The following IDH2 variants were observed in gnomAD, a reference collection of about 807,000 sequenced individuals.
The protein encoded by IDH2 is isocitrate dehydrogenase (NADP(+)) 2, also known as isocitrate dehydrogenase [NADP], mitochondrial.
IDH2 carries 18 observed loss-of-function variants against 50.5 expected under a neutral mutation model. The ratio of observed to expected loss-of-function variants is 0.36; its 90% confidence interval spans 0.25 to 0.53. The LOEUF (loss-of-function observed/expected upper bound fraction) is 0.53, where lower values mean the gene tolerates loss of function less well. Among genes scored for constraint, IDH2 ranks in the 20% least tolerant of loss-of-function variants. The pLI is 0.92. For missense variants in IDH2, 518 were observed against 610.7 expected (o/e 0.85, Z 1.60); for synonymous variants, 280 against 239.8 (o/e 1.17, Z -1.55).
rs1596076730 is a variant in IDH2, at chr15:90,091,582, G to A, written c.178C>T (p.Arg60Cys). 3.1e-6 allele frequency: 5 copies of A among 1,614,098 alleles called. No homozygotes were observed. Among genetic ancestry groups the A allele is most frequent in the Non-Finnish European group, 4.2e-6 (5 of 1,179,956 alleles). ...TCCTTGATGAACTGCCAGATAATAC[G>A]GGTCATCTCATCACCATCCATCTCC... ...VVEMDGDEMTRIIWQFIKEKL... is the reference protein window; with the variant it reads ...VVEMDGDEMTCIIWQFIKEKL... The change falls in exon 2 of 11, where the codon CGT (arginine) becomes TGT (cysteine). Residue 60 changes from arginine (R) to cysteine (C), a missense_variant. Coordinates refer to ENST00000330062, the MANE Select transcript of IDH2 (RefSeq NM_002168.4).
intron 5 of IDH2, 83 bp from the exon 6 acceptor site, chr15:90,087,658 A>G: frequency 6.4e-7 from 1 of 1,550,776 alleles, no homozygotes; most frequent in Non-Finnish European, 8.9e-7. Context: ...GGCAAGGCCC[A>G]GCTCTCCAGG....
At position 90,083,699 on chromosome 15, in the gene IDH2, T is replaced by C. The variant is rs1596070955; in HGVS notation, c.*567A>G. The stretch of plus-strand genomic sequence containing the variant: ...GAAGAAAAAAATCAATGACAACCTA[T>C]CAGGAACTGATTGACTCTCAGAATG... On this transcript the variant is annotated 3_prime_UTR_variant, in exon 11 of 11. Transcript: ENST00000330062. 5.6e-6 allele frequency: 1 copy of C among 178,654 alleles called. No homozygotes were observed. The highest frequency in any genetic ancestry group is 1.1e-4 in the East Asian group (1 of 9,094). 11.1% of individuals were successfully genotyped at this position (178,654 alleles called of 1,614,324 possible).
rs1555462247 is a variant in IDH2, at chr15:90,098,535, T to TATGTATGC, written c.115+3740_115+3741insGCATACAT. Among the ~76,000 whole-genome samples the TATGTATGC allele has an allele frequency of 7.0e-6, 1 of 142,402 alleles. No individual in the cohort carries two copies. The highest frequency in any genetic ancestry group is 2.7e-5 in the African/African-American group (1 of 36,798). The allele number at this position is 142,402 out of a possible 152,430, so 93.4% of individuals were successfully genotyped here. On this transcript the variant is annotated intron_variant, in intron 1 of 10. Transcript: ENST00000330062. The surrounding 1 kb of genome is among the most constrained non-coding windows in gnomAD (Gnocchi z 5.1). ...GTATGTATGTATGTATGCATGCATG[T>TATGTATGC]ATGTATGTATGTATGTATGTATGTA...
In IDH2 at chr15:90,090,608, A is replaced by C. The variant is rs765936488; in HGVS notation, c.244T>G (p.Phe82Val). 5 of 1,614,022 alleles carry C rather than the reference A, an allele frequency of 3.1e-6. No individual in the cohort carries two copies. In the African/African-American group the frequency reaches 5.3e-5, roughly 17 times the overall value. The part of the protein sequence containing the change: ...LPHVDIQLKY[F>V]DLGLPNRDQT... ...TCACGGTTTGGGAGCCCGAGGTCAAAATACTTTAGCTGGATGTCCACGTGG... is the reference window on the plus strand; with the variant it reads ...TCACGGTTTGGGAGCCCGAGGTCAACATACTTTAGCTGGATGTCCACGTGG... The change falls in exon 3 of 11, where the codon TTT (phenylalanine) becomes GTT (valine). Residue 82 changes from phenylalanine (F) to valine (V), a missense_variant. This residue lies in a region of IDH2 where 68 missense variants were observed against 109.7 expected (regional missense o/e 0.62). Coordinates refer to ENST00000330062, the MANE Select transcript of IDH2 (RefSeq NM_002168.4).
chr15:90,088,528 C>T (rs201112712), intron 4 of IDH2, 26 bp from the exon 5 acceptor site: 70 of 1,614,082 alleles, frequency 4.3e-5, no homozygotes, highest in African/African-American at 5.3e-5. Flanking sequence ...GATGGCTAGG[C>T]GAGGAGCTCC....
chr15:90,099,900 C>T (rs1045682395), intron 1 of IDH2, among the ~76,000 whole-genome samples: 4 of 152,192 alleles, frequency 2.6e-5, no homozygotes, highest in Non-Finnish European at 5.9e-5. Context: ...CCCCAGCACC[C>T]GGCATGGTGT....
intron 2 of IDH2, 28 bp from the exon 3 acceptor site, chr15:90,090,672 T>C (rs1364077960): frequency 6.2e-7 from 1 of 1,613,048 alleles, no homozygotes; most frequent in African/African-American, 1.3e-5. Flanking sequence ...GAGCAAGGCG[T>C]CACCCCAGTG....
Position 90,098,511 on chromosome 15 carries a change from T to TATGTATGCATGTATGCATGC in IDH2, c.115+3764_115+3765insGCATGCATACATGCATACAT, listed in dbSNP as rs1555462225. 1.4e-5 allele frequency among the ~76,000 whole-genome samples: 2 copies of TATGTATGCATGTATGCATGC among 139,862 alleles called. No individual in the cohort carries two copies. The highest frequency in any genetic ancestry group is 4.6e-4 in the South Asian group (2 of 4,344). 91.8% of individuals were successfully genotyped at this position (139,862 alleles called of 152,430 possible). Reference sequence around the variant, plus strand: ...AGCAACTTTGTATATTTTATGTATGTATGTATGTATGTATGCATGCATGTA... The same window carrying TATGTATGCATGTATGCATGC: ...AGCAACTTTGTATATTTTATGTATGTATGTATGCATGTATGCATGCATGTATGTATGTATGCATGCATGTA... On this transcript the variant is annotated intron_variant, in intron 1 of 10. Transcript: ENST00000330062. The surrounding 1 kb of genome is among the most constrained non-coding windows in gnomAD (Gnocchi z 5.1).
chr15:90,085,427 C>T lies in IDH2; in HGVS notation c.968-40G>A. 7.3e-7 allele frequency: 1 copy of T among 1,376,482 alleles called. No homozygotes were observed. The highest frequency in any genetic ancestry group is 1.2e-5 in the South Asian group (1 of 80,594). 85.3% of individuals were successfully genotyped at this position (1,376,482 alleles called of 1,614,324 possible). ...GCCTTTCTCTCAGGGCCTCGCCTCT[C>T]CTGGGGCCACCCAGCTGAGCCCTGC... is the stretch of plus-strand genomic sequence containing the variant. On this transcript the variant is annotated intron_variant, in intron 7 of 10. Transcript: ENST00000330062. The surrounding 1 kb of genome is among the most constrained non-coding windows in gnomAD (Gnocchi z 5.5).
In IDH2 at chr15:90,089,851, C is replaced by T. The variant is rs763579040; in HGVS notation, c.373+628G>A. On this transcript the variant is annotated intron_variant, in intron 3 of 10. Coordinates refer to ENST00000330062, the MANE Select transcript of IDH2 (RefSeq NM_002168.4). ...AGCCAGTCTAGGCCTGGTGGGGGCA[C>T]CTCTCAGTGACCCTGCATGACCATG... Among the ~76,000 whole-genome samples, 54 of 152,172 alleles carry T rather than the reference C, an allele frequency of 3.5e-4. 1 individual carries two copies. Among genetic ancestry groups the T allele is most frequent in the Non-Finnish European group, 7.2e-4 (49 of 68,030 alleles).
chr15:90,094,045 C>T (rs1901118675), intron 1 of IDH2, among the ~76,000 whole-genome samples: 3 of 152,156 alleles, frequency 2.0e-5, no homozygotes, highest in African/African-American at 7.2e-5. Flanking sequence ...GAAGGACAGG[C>T]TTACAGCACC....
chr15:90,097,469 G>T (rs2151555143), intron 1 of IDH2, among the ~76,000 whole-genome samples: 1 of 152,298 alleles, frequency 6.6e-6, no homozygotes, highest in South Asian at 2.1e-4. Context: ...ACATACAATG[G>T]AATATGATTC....
chr15:90,084,179 G>T lies in IDH2; in HGVS notation c.*87C>A. ...CCCCTAGAAAGGCCTCCAGAGAGGG[G>T]CTGTGAGGCTCACCCTCTGCCGCGC... On this transcript the variant is annotated 3_prime_UTR_variant, in exon 11 of 11. Coordinates refer to ENST00000330062, the MANE Select transcript of IDH2 (RefSeq NM_002168.4). This position sits in a 1 kb window ranked among gnomAD's most constrained non-coding sequence, Gnocchi z 5.0. 1 of 1,014,282 alleles carries T rather than the reference G, an allele frequency of 9.9e-7. No individual in the cohort carries two copies. Among genetic ancestry groups the T allele is most frequent in the Non-Finnish European group, 1.5e-6 (1 of 655,412 alleles). 62.8% of individuals were successfully genotyped at this position (1,014,282 alleles called of 1,614,324 possible).
In IDH2 at chr15:90,100,288, C is replaced by T. The variant is rs1372343915; in HGVS notation, c.115+1988G>A. On this transcript the variant is annotated intron_variant, in intron 1 of 10. Transcript: ENST00000330062. The surrounding 1 kb of genome is among the most constrained non-coding windows in gnomAD (Gnocchi z 4.1). ...AGAGCAGTTTCCAGCACCTCATACC[C>T]TGAATGGAACCAGCCCAAGGGCCCT... Among the ~76,000 whole-genome samples, 1 of 152,152 alleles carries T rather than the reference C, an allele frequency of 6.6e-6. No individual in the cohort carries two copies. The highest frequency in any genetic ancestry group is 1.9e-4 in the East Asian group (1 of 5,202).
rs1455889466 is a variant in IDH2, at chr15:90,090,611, A to T, written c.241T>A (p.Tyr81Asn). 1.9e-6 allele frequency: 3 copies of T among 1,614,028 alleles called. No homozygotes were observed. In the African/African-American group the frequency reaches 4.0e-5, roughly 22 times the overall value. The change falls in exon 3 of 11, where the codon TAT becomes AAT. Residue 81 changes from tyrosine (Y) to asparagine (N), a missense_variant. Around this residue, in one of 5 missense-constraint regions of IDH2, gnomAD observed 68 missense variants for 109.7 expected, o/e 0.62. Coordinates refer to ENST00000330062, the MANE Select transcript of IDH2 (RefSeq NM_002168.4). ...CGGTTTGGGAGCCCGAGGTCAAAATACTTTAGCTGGATGTCCACGTGGGGC... is the reference window on the plus strand; with the variant it reads ...CGGTTTGGGAGCCCGAGGTCAAAATTCTTTAGCTGGATGTCCACGTGGGGC... ...ILPHVDIQLK[Y>N]FDLGLPNRDQ...
At position 90,100,894 on chromosome 15, in the gene IDH2, C is replaced by T. The variant is rs979050981; in HGVS notation, c.115+1382G>A. Among the ~76,000 whole-genome samples, 5 of 151,198 alleles carry T rather than the reference C, an allele frequency of 3.3e-5. No homozygotes were observed. Among genetic ancestry groups the T allele is most frequent in the African/African-American group, 7.3e-5 (3 of 41,064 alleles). ...ATCCAAATTCAGGACCCTTAAAAGG[C>T]GCTTTGTGTTCCTGTTTGTGTGTGT... On this transcript the variant is annotated intron_variant, in intron 1 of 10. Transcript: ENST00000330062. This position sits in a 1 kb window ranked among gnomAD's most constrained non-coding sequence, Gnocchi z 4.1.
intron 5 of IDH2, 80 bp downstream of exon 5, chr15:90,088,279 A>T (rs991388257): frequency 1.0e-4 from 161 of 1,563,242 alleles, no homozygotes; most frequent in Non-Finnish European, 1.3e-4. Flanking sequence ...AGGCCATTAC[A>T]GAAGAAAGGA....
rs1286473383 is a variant in IDH2 at position 90,100,910 on chromosome 15, TTGTGTG to T, written c.115+1360_115+1365del. ...CTTAAAAGGCGCTTTGTGTTCCTGTTTGTGTGTGTTTTTCGGGTTGTTTGTTTCTTT... is the reference window on the plus strand; with the variant it reads ...CTTAAAAGGCGCTTTGTGTTCCTGTTTGTTTTTCGGGTTGTTTGTTTCTTT... On this transcript the variant is annotated intron_variant, in intron 1 of 10. Coordinates refer to ENST00000330062, the MANE Select transcript of IDH2 (RefSeq NM_002168.4). This position sits in a 1 kb window ranked among gnomAD's most constrained non-coding sequence, Gnocchi z 4.1. Among the ~76,000 whole-genome samples, 3 of 150,318 alleles carry T rather than the reference TTGTGTG, an allele frequency of 2.0e-5. No individual in the cohort carries two copies. The highest frequency in any genetic ancestry group is 3.0e-5 in the Non-Finnish European group (2 of 67,796).
intron 1 of IDH2, 85 bp from the exon 2 acceptor site, chr15:90,091,729 A>G (rs1189991759): frequency 9.0e-7 from 1 of 1,111,314 alleles, no homozygotes; most frequent in African/African-American, 1.5e-5. Flanking sequence ...GCCCTTCACC[A>G]GGAGACAGTG....
Sources: gnomAD v4.1 joint callset for allele counts (sites outside exome capture counted in the v4.1 genomes callset) on GRCh38, gnomAD v4.1.1 for gene constraint, gnomAD v4.1.1 regional missense constraint, Gnocchi (gnomAD v3.1) non-coding constraint, MANE v1.5 for transcripts, NCBI Gene and HGNC (gene_info 2026-07-23, HGNC 2026-07-21) for gene names.